Variants in CCDC171 observed in about 807,000 individuals in gnomAD.
CCDC171 encodes the protein coiled-coil domain-containing protein 171.
In CCDC171, 177 loss-of-function variants were observed where a neutral mutation model predicts 168.2. The ratio of observed to expected loss-of-function variants is 1.05; its 90% CI spans 0.93 to 1.19. The LOEUF is 1.19. Among genes scored for constraint, CCDC171 ranks in the 50% most tolerant of loss-of-function variants. CCDC171 has a pLI of 0.00. For missense variants in CCDC171, 1,991 were observed against 1,539.0 expected, an observed-to-expected ratio of 1.29 and a Z score of -4.91; for synonymous variants, 687 against 540.8, an observed-to-expected ratio of 1.27 and a Z score of -3.75.
chr9:15,790,990 G>A (rs2058229151), intron 21 of CCDC171, among the ~76,000 whole-genome samples: 1 of 152,076 alleles, frequency 6.6e-6, no homozygotes, highest in South Asian at 2.1e-4. Context: ...TGCTGTTTTG[G>A]TTACTGTAGC....
At chr9:15,849,960 A>C (rs1029311413) in intron 23 of CCDC171, among the ~76,000 whole-genome samples, 14 of 151,862 alleles carry the variant, frequency 9.2e-5, no homozygotes, top group Admixed American at 2.6e-4. Flanking sequence ...AAAAAAAAAT[A>C]ATCTGAGTGC....
chr9:16,085,107 G>GGGCA, the CCDC171 span, among the ~76,000 whole-genome samples: 5 of 152,188 alleles, frequency 3.3e-5, no homozygotes, highest in African/African-American at 9.6e-5. Context: ...CTGAACTGGA[G>GGGCA]GGCAGCATGT....
chr9:15,782,779 A>T (rs1341502654), intron 20 of CCDC171, among the ~76,000 whole-genome samples: 1 of 152,182 alleles, frequency 6.6e-6, no homozygotes, highest in Non-Finnish European at 1.5e-5. Context: ...TTGAAAGCTG[A>T]GGGTTTGGTT....
chr9:15,715,003 A>G (rs1378552381), intron 11 of CCDC171, among the ~76,000 whole-genome samples: 2 of 152,174 alleles, frequency 1.3e-5, no homozygotes, highest in African/African-American at 4.8e-5. Context: ...GTTAATTGCT[A>G]CCATTTGGTC....
At chr9:16,019,488 C>T (rs996604241) in intron 3 of CCDC171, among the ~76,000 whole-genome samples, 3 of 150,296 alleles carry the variant, frequency 2.0e-5, no homozygotes, top group Non-Finnish European at 4.4e-5. Flanking sequence ...ACCATTGTTT[C>T]TTGTTTTCCC....
intron 24 of CCDC171, among the ~76,000 whole-genome samples, chr9:15,915,602 T>C (rs969194517): frequency 6.6e-6 from 1 of 152,198 alleles, no homozygotes; most frequent in Non-Finnish European, 1.5e-5. Flanking sequence ...ATGATACCTG[T>C]TATTTTTTTC....
chr9:15,793,508 A>C (rs1341565353), intron 21 of CCDC171, among the ~76,000 whole-genome samples: 1 of 150,934 alleles, frequency 6.6e-6, no homozygotes, highest in Non-Finnish European at 1.5e-5. Flanking sequence ...CGAAATCAAC[A>C]GAATATACAT....
rs1301925265 is a variant in CCDC171, at chr9:15,972,722, C to T, written c.*886C>T. The T allele has an allele frequency of 6.6e-6, 1 of 152,088 alleles. No individual in the cohort carries two copies. The highest frequency in any genetic ancestry group is 6.6e-5 in the Admixed American group (1 of 15,258). 9.4% of individuals were successfully genotyped at this position (152,088 alleles called of 1,614,324 possible). ...TGTTGTTGGTAGGACCCAAGAGTGA[C>T]ACCCATCTTTGATGCTGACAGAATT... On this transcript the variant is annotated 3_prime_UTR_variant, in exon 26 of 26. Transcript: ENST00000380701.
chr9:15,634,624 C>T (rs779603569), intron 7 of CCDC171, among the ~76,000 whole-genome samples: 25 of 152,008 alleles, frequency 1.6e-4, no homozygotes, highest in African/African-American at 3.1e-4. Context: ...CTTCTTACAG[C>T]GATGAGTAAA....
intron 25 of CCDC171, among the ~76,000 whole-genome samples, chr9:15,921,408 C>G (rs1318487630): frequency 6.6e-6 from 1 of 151,738 alleles, no homozygotes; most frequent in African/African-American, 2.4e-5. Context: ...TACCTTCCAC[C>G]TTTCTTATTT....
At chr9:15,583,068 A>G (rs1451917342) in intron 4 of CCDC171, among the ~76,000 whole-genome samples, 1 of 152,166 alleles carries the variant, frequency 6.6e-6, no homozygotes, top group African/African-American at 2.4e-5. Context: ...ACAATTCACA[A>G]TTGCAAAAAT....
chr9:15,723,633 GTTAC>G (rs777309028), intron 12 of CCDC171, 44 bp from the exon 13 acceptor site: 204 of 1,407,460 alleles, frequency 1.4e-4, no homozygotes, highest in Non-Finnish European at 1.8e-4. Context: ...ATGTAAAAAA[GTTAC>G]TTATATTTTC....
At chr9:15,591,250 A>G in intron 4 of CCDC171, 116 bp from the exon 5 acceptor site, 1 of 628,104 alleles carries the variant, frequency 1.6e-6, no homozygotes, top group Non-Finnish European at 2.8e-6. Flanking sequence ...TGGAAAGGTT[A>G]AATGTTTTAT....
intron 16 of CCDC171, among the ~76,000 whole-genome samples, chr9:15,740,409 G>A (rs2136357): frequency 0.95 from 143,112 of 151,316 alleles, 67,719 homozygotes; most frequent in East Asian, 1. Flanking sequence ...TACAAATAAC[G>A]TGATTTTTTA....
chr9:15,911,348 T>C (rs143921337), intron 24 of CCDC171, among the ~76,000 whole-genome samples: 90 of 152,372 alleles, frequency 5.9e-4, no homozygotes, highest in African/African-American at 2.0e-3. Context: ...TGTCTTCTTA[T>C]GAAAAGTGTC....
intron 7 of CCDC171, among the ~76,000 whole-genome samples, chr9:15,641,991 C>T (rs1450861731): frequency 6.6e-6 from 1 of 152,004 alleles, no homozygotes; most frequent in Non-Finnish European, 1.5e-5. Context: ...TGGTGAAACC[C>T]CATCTCTACC....
chr9:16,004,069 C>G (rs1251510674), intron 3 of CCDC171, among the ~76,000 whole-genome samples: 1 of 152,152 alleles, frequency 6.6e-6, no homozygotes, highest in Admixed American at 6.5e-5. Flanking sequence ...ATGAGGGCTG[C>G]AGCTGGGATC....
intron 10 of CCDC171, among the ~76,000 whole-genome samples, chr9:15,683,134 G>C (rs1242803943): frequency 6.6e-6 from 1 of 152,002 alleles, no homozygotes; most frequent in Non-Finnish European, 1.5e-5. Context: ...CTCTAGGAGA[G>C]ACTTTATATT....
In CCDC171 at chr9:15,907,982, A is replaced by G. The variant is rs368055491; in HGVS notation, c.3601-12288A>G. Among the ~76,000 whole-genome samples the G allele has an allele frequency of 1.7e-3, 260 of 152,050 alleles. 1 individual carries two copies. Among genetic ancestry groups the G allele is most frequent in the African/African-American group, 5.7e-3 (238 of 41,490 alleles). ...ACCATCTCACACCATTTAGAATGGC[A>G]ATCATTAAAAAGTCAGGAAACAACA... On this transcript the variant is annotated intron_variant, in intron 24 of 25. Transcript: ENST00000380701.
Sources: gnomAD v4.1 joint callset for allele counts (sites outside exome capture counted in the v4.1 genomes callset) on GRCh38, gnomAD v4.1.1 for gene constraint, MANE v1.5 for transcripts, NCBI Gene and HGNC (gene_info 2026-07-23, HGNC 2026-07-21) for gene names.